VPS45: variants seen among roughly 807,000 people sequenced by gnomAD.
VPS45 encodes the protein vacuolar protein sorting 45 homolog.
A neutral mutation model predicts 75.9 loss-of-function variants in VPS45; 35 were observed. The observed-to-expected ratio is 0.46, with a 90% CI of 0.35 to 0.61. The LOEUF is 0.61. Among genes scored for constraint, VPS45 ranks in the 20% least tolerant of loss-of-function variants. The pLI, the probability that VPS45 is intolerant of heterozygous loss-of-function variation, is 0.00. For synonymous variants in VPS45, 220 were observed against 238.2 expected, an observed-to-expected ratio of 0.92 and a Z score of 0.70; for missense variants, 559 against 685.9, an observed-to-expected ratio of 0.81 and a Z score of 2.07.
At chr1:150,129,946 G>A (rs1474657554) in intron 14 of VPS45, among the ~76,000 whole-genome samples, 1 of 151,422 alleles carries the variant, frequency 6.6e-6, no homozygotes, top group Non-Finnish European at 1.5e-5. Context: ...CAAACTCTTG[G>A]GCTCAAGCAG....
At chr1:150,139,812 G>A (rs1659289903) in intron 14 of VPS45, among the ~76,000 whole-genome samples, 1 of 152,144 alleles carries the variant, frequency 6.6e-6, no homozygotes, top group Non-Finnish European at 1.5e-5. Context: ...ATATCCTCCT[G>A]TTTCGGCCTA....
At chr1:150,094,222 A>G (rs1173293424) in intron 13 of VPS45, among the ~76,000 whole-genome samples, 6 of 152,016 alleles carry the variant, frequency 3.9e-5, no homozygotes, top group Non-Finnish European at 8.8e-5. Context: ...GCCAACCTGA[A>G]ATTTTAAATA....
intron 14 of VPS45, among the ~76,000 whole-genome samples, chr1:150,143,629 A>G (rs1659525410): frequency 6.7e-6 from 1 of 149,722 alleles, no homozygotes; most frequent in Admixed American, 6.6e-5. Flanking sequence ...AGAATAGTCA[A>G]ACATAGGACA....
chr1:150,108,733 A>G (rs1319919847), intron 13 of VPS45, among the ~76,000 whole-genome samples: 2 of 152,212 alleles, frequency 1.3e-5, no homozygotes, highest in African/African-American at 2.4e-5. Context: ...ACCCATCATC[A>G]GGCAATAGTT....
chr1:150,106,773 T>C (rs1657348319), intron 13 of VPS45, among the ~76,000 whole-genome samples: 1 of 152,194 alleles, frequency 6.6e-6, no homozygotes. Context: ...TTCCTGTAAG[T>C]TATGTCCTTC....
chr1:150,068,513 C>A, intron 1 of VPS45, 117 bp from the exon 2 acceptor site: 1 of 939,988 alleles, frequency 1.1e-6, no homozygotes, highest in Non-Finnish European at 1.4e-6. Context: ...AAATGTTTTC[C>A]GTATATTACT....
chr1:150,068,249 G>A, intron 1 of VPS45: 1 of 423,276 alleles, frequency 2.4e-6, no homozygotes, highest in Non-Finnish European at 4.2e-6. Flanking sequence ...TTTGGGATGG[G>A]CCTACTGTTT....
chr1:150,086,659 G>A (rs1453544772), intron 10 of VPS45, among the ~76,000 whole-genome samples: 1 of 152,128 alleles, frequency 6.6e-6, no homozygotes, highest in East Asian at 1.9e-4. Flanking sequence ...ATCAGCAGAA[G>A]ATCTACTGCA....
chr1:150,119,749 T>C lies in VPS45; in HGVS notation c.1625+9122T>C, dbSNP rs116676131. On this transcript the variant is annotated intron_variant, in intron 14 of 14. Coordinates refer to ENST00000644510, the MANE Select transcript of VPS45 (RefSeq NM_007259.5). ...TACAGAAGCTACTATCCTTCCAGAA[T>C]AGGAAATGTCTATTGTGGAATATTT... Among the ~76,000 whole-genome samples the C allele has an allele frequency of 5.1e-3, 780 of 152,336 alleles. 4 individuals are homozygous for C. The highest frequency in any genetic ancestry group is 8.4e-3 in the Non-Finnish European group (569 of 68,020).
chr1:150,067,986 C>T, intron 1 of VPS45, 36 bp downstream of exon 1: 1 of 1,580,172 alleles, frequency 6.3e-7, no homozygotes, highest in Non-Finnish European at 8.7e-7. Context: ...GTGAAGGAAC[C>T]CTCTCAACCT....
At chr1:150,088,124 T>C (rs1261788089) in intron 10 of VPS45, among the ~76,000 whole-genome samples, 2 of 152,158 alleles carry the variant, frequency 1.3e-5, no homozygotes, top group African/African-American at 2.4e-5. Context: ...TAATACATTA[T>C]TGTTAACTCT....
chr1:150,123,511 A>C (rs1460888314), intron 14 of VPS45, among the ~76,000 whole-genome samples: 1 of 152,204 alleles, frequency 6.6e-6, no homozygotes, highest in Non-Finnish European at 1.5e-5. Context: ...CCATTATTTT[A>C]TTCACCTGCA....
At chr1:150,130,638 C>A (rs1381691594) in intron 14 of VPS45, among the ~76,000 whole-genome samples, 1 of 152,068 alleles carries the variant, frequency 6.6e-6, no homozygotes, top group African/African-American at 2.4e-5. Context: ...GTTCATTCAA[C>A]AAATACTTAG....
chr1:150,082,031 TG>T (rs1196455749), intron 9 of VPS45, 34 bp downstream of exon 9: 26 of 1,394,414 alleles, frequency 1.9e-5, no homozygotes, highest in Non-Finnish European at 2.5e-5. Context: ...GACAAACATG[TG>T]ACAGTTTGGT....
chr1:150,077,745 G>A lies in VPS45; in HGVS notation c.653G>A (p.Arg218His), dbSNP rs1553798447. ...EVPPLLLILD[R>H]CDDAITPLLN... Reference sequence around the variant, plus strand: ...CCTCCATTGCTCCTTATTTTAGATCGCTGTGATGATGCCATCACCCCATTG... The same window carrying A: ...CCTCCATTGCTCCTTATTTTAGATCACTGTGATGATGCCATCACCCCATTG... The change falls in exon 7 of 15, where the codon CGC becomes CAC. Residue 218 changes from arginine to histidine, a missense_variant. Physicochemically the swap from Arg to His is conservative, Grantham distance 29 (BLOSUM62 0). Transcript: ENST00000644510. The A allele has an allele frequency of 2.5e-6, 4 of 1,613,868 alleles. No individual in the cohort carries two copies. The highest frequency in any genetic ancestry group is 1.1e-5 in the South Asian group (1 of 91,078).
chr1:150,136,456 A>G (rs114901406), intron 14 of VPS45, among the ~76,000 whole-genome samples: 4,086 of 150,606 alleles, frequency 0.027, 141 homozygotes, highest in African/African-American at 0.089. Flanking sequence ...TGAGGAGGCT[A>G]AGGCAAGAGA....
intron 13 of VPS45, among the ~76,000 whole-genome samples, chr1:150,102,096 G>A (rs1571865813): frequency 6.7e-6 from 1 of 149,086 alleles, no homozygotes; most frequent in Non-Finnish European, 1.5e-5. Context: ...AAATTAGCCA[G>A]GCATGGTGGC....
At position 150,092,364 on chromosome 1, in the gene VPS45, C is replaced by T. The variant is rs371945894; in HGVS notation, c.1326C>T (p.Pro442=). The stretch of plus-strand genomic sequence containing the variant: ...TCAGAGGAAGTGACCTCTTCAGCCC[C>T]AAAGATGCTGTGGCTATCACCAAAC... ...KRVRGSDLFS[P]KDAVAITKQF... is the part of the protein sequence containing the mutation. The change falls in exon 12 of 15, where the codon CCC becomes CCT. Residue 442 remains proline (P), a synonymous_variant. Transcript: ENST00000644510. The T allele has an allele frequency of 1.7e-5, 27 of 1,613,948 alleles. No individual in the cohort carries two copies. Among genetic ancestry groups the T allele is most frequent in the Non-Finnish European group, 2.3e-5 (27 of 1,180,010 alleles).
At chr1:150,131,613 T>C (rs1267669546) in intron 14 of VPS45, among the ~76,000 whole-genome samples, 1 of 150,332 alleles carries the variant, frequency 6.7e-6, no homozygotes, top group African/African-American at 2.5e-5. Flanking sequence ...GACAGGAGAA[T>C]CACTTGAGGC....
Sources: gnomAD v4.1 joint callset for allele counts (sites outside exome capture counted in the v4.1 genomes callset) on GRCh38, gnomAD v4.1.1 for gene constraint, MANE v1.5 for transcripts, NCBI Gene and HGNC (gene_info 2026-07-23, HGNC 2026-07-21) for gene names.